Variants in GPD2 observed in about 807,000 individuals in gnomAD.
GPD2 encodes the protein glycerol-3-phosphate dehydrogenase 2.
GPD2 carries 54 observed loss-of-function variants against 82.4 expected under a neutral mutation model. The observed-to-expected ratio is 0.66, with a 90% confidence interval of 0.53 to 0.82. The LOEUF (loss-of-function observed/expected upper bound fraction) is 0.82. Ranked by LOEUF, GPD2 falls within the 40% of genes least tolerant of loss-of-function variation. The probability of loss-of-function intolerance (pLI) is 0.00; values close to 1 mark genes in which losing one functional copy is unlikely to be tolerated. For synonymous variants in GPD2, 288 were observed against 306.1 expected, an observed-to-expected ratio of 0.94 and a Z score of 0.62; for missense variants, 748 against 896.2, an observed-to-expected ratio of 0.83 and a Z score of 2.11.
chr2:156,414,989 T>A, the GPD2 span, among the ~76,000 whole-genome samples: 16 of 152,158 alleles, frequency 1.1e-4, no homozygotes, highest in African/African-American at 3.9e-4. Flanking sequence ...AATGACAACA[T>A]TTTTTTCCCA....
At chr2:156,439,757 G>T (rs1476796579) in intron 1 of GPD2, among the ~76,000 whole-genome samples, 3 of 151,742 alleles carry the variant, frequency 2.0e-5, no homozygotes, top group African/African-American at 7.3e-5. Flanking sequence ...TGAGGCAGGA[G>T]AATTGCTTGA....
chr2:156,445,878 C>T (rs900221538), intron 1 of GPD2, among the ~76,000 whole-genome samples: 1 of 152,122 alleles, frequency 6.6e-6, no homozygotes, highest in Non-Finnish European at 1.5e-5. Flanking sequence ...TAGGCTCAAC[C>T]ATCATAACTG....
chr2:156,564,346 A>T (rs1047185401), intron 9 of GPD2, among the ~76,000 whole-genome samples: 5 of 152,192 alleles, frequency 3.3e-5, no homozygotes, highest in African/African-American at 1.2e-4. Context: ...TACTTTATTC[A>T]GACTAGCATC....
intron 1 of GPD2, among the ~76,000 whole-genome samples, chr2:156,460,282 G>A (rs148714207): frequency 1.0e-3 from 152 of 152,248 alleles, no homozygotes; most frequent in Non-Finnish European, 1.8e-3. Flanking sequence ...CATCTGCTCA[G>A]TCAGAGTGTT....
At chr2:156,403,230 T>G in the GPD2 span, among the ~76,000 whole-genome samples, 2 of 151,906 alleles carry the variant, frequency 1.3e-5, no homozygotes, top group African/African-American at 4.8e-5. Flanking sequence ...TAAAAGTCCA[T>G]TCTAGTTTAC....
chr2:156,428,162 C>T, the GPD2 span, among the ~76,000 whole-genome samples: 6 of 152,104 alleles, frequency 3.9e-5, no homozygotes, highest in Non-Finnish European at 7.4e-5. Flanking sequence ...TTTGGGGAGG[C>T]CATTATTCAG....
intron 9 of GPD2, among the ~76,000 whole-genome samples, chr2:156,564,487 G>T (rs1018137650): frequency 2.0e-5 from 3 of 152,136 alleles, no homozygotes; most frequent in African/African-American, 7.2e-5. Flanking sequence ...TATTCAAGAA[G>T]TTGGAATTAA....
intron 6 of GPD2, among the ~76,000 whole-genome samples, chr2:156,528,312 C>G (rs1310193142): frequency 6.6e-6 from 1 of 151,716 alleles, no homozygotes; most frequent in Non-Finnish European, 1.5e-5. Flanking sequence ...ATTTCTTTTT[C>G]TCATCACAGA....
chr2:156,448,286 T>G (rs1229531566), intron 1 of GPD2, among the ~76,000 whole-genome samples: 1 of 152,172 alleles, frequency 6.6e-6, no homozygotes, highest in Non-Finnish European at 1.5e-5. Flanking sequence ...TGTTTTGTAT[T>G]TTTAGTAGAG....
the GPD2 span, among the ~76,000 whole-genome samples, chr2:156,411,138 A>T: frequency 7.9e-5 from 12 of 152,344 alleles, no homozygotes; most frequent in African/African-American, 2.9e-4. Flanking sequence ...TAGTTAACAG[A>T]TGAAAAAACA....
chr2:156,462,816 T>G (rs1372787154), intron 1 of GPD2, among the ~76,000 whole-genome samples: 2 of 152,198 alleles, frequency 1.3e-5, no homozygotes, highest in Non-Finnish European at 2.9e-5. Flanking sequence ...GCTATTTACT[T>G]GTATTTGAAA....
At chr2:156,512,102 T>C in intron 4 of GPD2, 118 bp from the exon 5 acceptor site, 1 of 725,686 alleles carries the variant, frequency 1.4e-6, no homozygotes, top group East Asian at 2.6e-5. Flanking sequence ...GAGGGAGCTA[T>C]CCTCACTCAG....
In GPD2 at chr2:156,568,850, A is replaced by T; in HGVS notation, c.1191A>T (p.Ala397=). The T allele has an allele frequency of 2.5e-6, 4 of 1,612,878 alleles. No homozygotes were observed. The highest frequency in any genetic ancestry group is 3.4e-6 in the Non-Finnish European group (4 of 1,178,960). The part of the protein sequence containing the change: ...VEVRRGDVLA[A]WSGIRPLVTD... Reference sequence around the variant, plus strand: ...TGAGAAGAGGGGATGTCCTGGCAGCATGGAGTGGAATCCGTCCTCTTGTTA... The same window carrying T: ...TGAGAAGAGGGGATGTCCTGGCAGCTTGGAGTGGAATCCGTCCTCTTGTTA... Residue 397 remains alanine, a synonymous_variant, in exon 10 of 17, where the codon GCA becomes GCT. Coordinates refer to ENST00000438166, the MANE Select transcript of GPD2 (RefSeq NM_000408.5).
chr2:156,460,478 C>T (rs1003461108), intron 1 of GPD2, among the ~76,000 whole-genome samples: 2 of 152,240 alleles, frequency 1.3e-5, no homozygotes, highest in East Asian at 1.9e-4. Context: ...TATGCAGTCT[C>T]TCTTGCCTGT....
At chr2:156,401,153 G>A in the GPD2 span, among the ~76,000 whole-genome samples, 3 of 151,958 alleles carry the variant, frequency 2.0e-5, no homozygotes, top group Non-Finnish European at 2.9e-5. Context: ...AACTTGCATT[G>A]GCCGGGAATC....
chr2:156,512,352 T>C lies in GPD2; in HGVS notation c.497+35T>C, dbSNP rs776175414. On this transcript the variant is annotated intron_variant, in intron 5 of 16. Transcript: ENST00000438166. Reference sequence around the variant, plus strand: ...TTGATATCACCTGTATGCATTTGCTTCTCTGCGGTCAATAGAACAACAGTT... The same window carrying C: ...TTGATATCACCTGTATGCATTTGCTCCTCTGCGGTCAATAGAACAACAGTT... The C allele has an allele frequency of 1.1e-5, 11 of 962,890 alleles. No individual in the cohort carries two copies. The South Asian group carries it at 1.3e-4, about 11-fold the overall frequency. The allele number at this position is 962,890 out of a possible 1,614,324, so 59.6% of individuals were successfully genotyped here.
At chr2:156,453,220 C>A (rs1558906081) in intron 1 of GPD2, among the ~76,000 whole-genome samples, 3 of 151,638 alleles carry the variant, frequency 2.0e-5, no homozygotes, top group Non-Finnish European at 1.5e-5. Context: ...TGGGGGTTTG[C>A]CAAGTAAAAA....
chr2:156,458,631 A>G (rs1361655453), intron 1 of GPD2, among the ~76,000 whole-genome samples: 2 of 152,176 alleles, frequency 1.3e-5, no homozygotes, highest in Admixed American at 6.5e-5. Context: ...TTCTTTTTCT[A>G]TATGGGTCTT....
At chr2:156,471,753 A>G (rs764661219) in intron 1 of GPD2, among the ~76,000 whole-genome samples, 8 of 151,928 alleles carry the variant, frequency 5.3e-5, no homozygotes, top group African/African-American at 1.9e-4. Flanking sequence ...TTTTTTTTCT[A>G]TCAGACTATA....
Sources: gnomAD v4.1 joint callset for allele counts (sites outside exome capture counted in the v4.1 genomes callset) on GRCh38, gnomAD v4.1.1 for gene constraint, MANE v1.5 for transcripts, NCBI Gene and HGNC (gene_info 2026-07-23, HGNC 2026-07-21) for gene names.